The following ARSG variants were observed in gnomAD, a reference collection of about 807,000 sequenced individuals.
ARSG encodes the protein arylsulfatase G.
In ARSG, 37 loss-of-function variants were observed where a neutral mutation model predicts 50.5. The observed-to-expected ratio is 0.73, with a 90% confidence interval of 0.56 to 0.96. The LOEUF is 0.96. ARSG is among the 50% of genes least tolerant of loss of function. The pLI, the probability that ARSG is intolerant of heterozygous loss-of-function variation, is 0.00. For missense variants in ARSG, 629 were observed against 675.3 expected (o/e 0.93, Z 0.76); for synonymous variants, 225 against 254.6 (o/e 0.88, Z 1.11).
chr17:68,336,723 T>A (rs2078039802), intron 2 of ARSG, among the ~76,000 whole-genome samples: 1 of 152,004 alleles, frequency 6.6e-6, no homozygotes, highest in South Asian at 2.1e-4. Context: ...CATGGTGGCG[T>A]GCATCTATAA....
At chr17:68,290,407 T>G (rs1476239599), upstream of ARSG, among the ~76,000 whole-genome samples, 1 of 152,240 alleles carries the variant, frequency 6.6e-6, no homozygotes, top group Non-Finnish European at 1.5e-5. Flanking sequence ...GCTACGGAAC[T>G]GCTTGGCGAC....
At chr17:68,358,466 A>G (rs1380122457) in intron 6 of ARSG, among the ~76,000 whole-genome samples, 1 of 152,028 alleles carries the variant, frequency 6.6e-6, no homozygotes, top group Non-Finnish European at 1.5e-5. Flanking sequence ...AGGCAGGCAG[A>G]TCACCTGAAT....
upstream of ARSG, among the ~76,000 whole-genome samples, chr17:68,289,041 G>A (rs2075906455): frequency 6.6e-6 from 1 of 152,118 alleles, no homozygotes; most frequent in South Asian, 2.1e-4. Context: ...GTGGTTAAGT[G>A]TCCCCTTAAA....
rs765060443 is a variant in ARSG at position 68,395,053 on chromosome 17, C to G, written c.1092-20C>G. The G allele has an allele frequency of 1.2e-6, 2 of 1,613,266 alleles. No individual in the cohort carries two copies. The highest frequency in any genetic ancestry group is 1.7e-6 in the Non-Finnish European group (2 of 1,179,540). On this transcript the variant is annotated intron_variant, in intron 9 of 11. Transcript: ENST00000621439. Reference sequence around the variant, plus strand: ...CGAGTCAGAAGAGCTGGGGACAACTCAGTCTTGTTATTTCCGCAGCGTGCT... The same window carrying G: ...CGAGTCAGAAGAGCTGGGGACAACTGAGTCTTGTTATTTCCGCAGCGTGCT...
chr17:68,396,161 C>T (rs999609203), intron 10 of ARSG, among the ~76,000 whole-genome samples: 1 of 152,024 alleles, frequency 6.6e-6, no homozygotes, highest in Admixed American at 6.6e-5. Context: ...CCCTCCCGAG[C>T]CCATGCCACC....
chr17:68,383,825 T>G (rs2080563708), intron 8 of ARSG, among the ~76,000 whole-genome samples: 1 of 152,170 alleles, frequency 6.6e-6, no homozygotes, highest in Non-Finnish European at 1.5e-5. Context: ...AGCGTCTCAT[T>G]CAGCCTGCAG....
the ARSG span, among the ~76,000 whole-genome samples, chr17:68,429,629 C>A: frequency 6.6e-6 from 1 of 152,050 alleles, no homozygotes; most frequent in Non-Finnish European, 1.5e-5. Flanking sequence ...TGCTCTGTCG[C>A]CCAGGCTGGA....
the ARSG span, chr17:68,433,384 A>G: frequency 8.0e-7 from 1 of 1,254,298 alleles, no homozygotes; most frequent in Non-Finnish European, 1.2e-6. Flanking sequence ...GTTCAGAAAG[A>G]AAAGAGATCA....
At chr17:68,450,318 G>C in the ARSG span, among the ~76,000 whole-genome samples, 1 of 152,224 alleles carries the variant, frequency 6.6e-6, no homozygotes, top group African/African-American at 2.4e-5. Context: ...GGCATCTCCT[G>C]CTCAGTGGTA....
At chr17:68,438,580 C>T in the ARSG span, among the ~76,000 whole-genome samples, 2 of 152,170 alleles carry the variant, frequency 1.3e-5, no homozygotes, top group Non-Finnish European at 2.9e-5. Context: ...TGTGTAACTG[C>T]TGAAGGTTTC....
chr17:68,334,766 G>T (rs772042525), intron 2 of ARSG, among the ~76,000 whole-genome samples: 1 of 152,098 alleles, frequency 6.6e-6, no homozygotes, highest in African/African-American at 2.4e-5. Context: ...CAACGTGATG[G>T]TCTCTGGGTG....
chr17:68,401,343 C>T lies in ARSG; in HGVS notation c.1213-17C>T. 4.3e-6 allele frequency: 7 copies of T among 1,612,570 alleles called. No individual in the cohort carries two copies. The South Asian group carries it at 7.7e-5, about 18-fold the overall frequency. Reference sequence around the variant, plus strand: ...CTGCCAATTTTTCTATTAGTAAGCTCTGCCACCCTTTCTCAGGTGCTGTTC... The same window carrying T: ...CTGCCAATTTTTCTATTAGTAAGCTTTGCCACCCTTTCTCAGGTGCTGTTC... On this transcript the variant is annotated splice_polypyrimidine_tract_variant and intron_variant, in intron 10 of 11. Transcript: ENST00000621439.
Position 68,385,172 on chromosome 17 carries a change from G to A in ARSG, c.1091G>A (p.Ser364Asn), listed in dbSNP as rs534865876. ...AATGTCACCAGCACTGCCTTGTTAA[G>A]GTATGAGACCAAAACTACCTTGAGA... ...PVNVTSTALL[S>N]VLDIFPTVVA... Residue 364 changes from serine to asparagine, a missense_variant and splice_region_variant, in exon 9 of 12, where the codon AGC (serine) becomes AAC (asparagine). Ser to Asn is a conservative substitution (Grantham distance 46, BLOSUM62 1). Transcript: ENST00000621439. The A allele has an allele frequency of 3.4e-5, 55 of 1,613,344 alleles. No homozygotes were observed. The highest frequency in any genetic ancestry group is 2.2e-4 in the Admixed American group (13 of 59,978).
At chr17:68,444,133 G>A in the ARSG span, among the ~76,000 whole-genome samples, 5 of 152,074 alleles carry the variant, frequency 3.3e-5, no homozygotes, top group African/African-American at 7.2e-5. Context: ...TAATTATCAC[G>A]CCTACTCTGT....
intron 9 of ARSG, among the ~76,000 whole-genome samples, chr17:68,392,018 G>A (rs2081015621): frequency 6.6e-6 from 1 of 152,190 alleles, no homozygotes; most frequent in Non-Finnish European, 1.5e-5. Flanking sequence ...CCCTTAGAGG[G>A]CGGATATCCC....
chr17:68,313,298 G>A (rs1031478370), intron 2 of ARSG, among the ~76,000 whole-genome samples: 14 of 152,026 alleles, frequency 9.2e-5, no homozygotes, highest in African/African-American at 3.4e-4. Flanking sequence ...ACATTACTTT[G>A]TCCTTTCACA....
At chr17:68,298,109 A>T (rs2076275284) in intron 1 of ARSG, among the ~76,000 whole-genome samples, 2 of 152,012 alleles carry the variant, frequency 1.3e-5, no homozygotes, top group African/African-American at 4.8e-5. Context: ...TGAATCCCGG[A>T]TACATACTCC....
At chr17:68,407,208 T>C (rs2081767328) in intron 11 of ARSG, among the ~76,000 whole-genome samples, 1 of 152,234 alleles carries the variant, frequency 6.6e-6, no homozygotes. Context: ...CTGGGTTCTC[T>C]ATTCTGTTCC....
intron 10 of ARSG, among the ~76,000 whole-genome samples, chr17:68,396,081 T>C (rs796446170): frequency 1.3e-5 from 2 of 151,332 alleles, no homozygotes; most frequent in African/African-American, 4.9e-5. Flanking sequence ...TGATCTCAGC[T>C]CACTGCAACC....
Sources: gnomAD v4.1 joint callset for allele counts (sites outside exome capture counted in the v4.1 genomes callset) on GRCh38, gnomAD v4.1.1 for gene constraint, MANE v1.5 for transcripts, NCBI Gene and HGNC (gene_info 2026-07-23, HGNC 2026-07-21) for gene names.